PLCG2: variants seen among roughly 807,000 people sequenced by gnomAD.
PLCG2 encodes the protein 1-phosphatidylinositol 4,5-bisphosphate phosphodiesterase gamma-2.
Under a neutral mutation model 175.6 loss-of-function variants are expected in PLCG2, and 69 were observed. That is an observed-to-expected ratio of 0.39 (90% CI 0.32 to 0.48). PLCG2 has a LOEUF of 0.48. Among genes scored for constraint, PLCG2 ranks in the 20% least tolerant of loss-of-function variants. The pLI is 0.91. For missense variants in PLCG2, 1,798 were observed against 1,650.9 expected (o/e 1.09, Z -1.54); for synonymous variants, 827 against 624.0 (o/e 1.33, Z -4.85).
intron 2 of PLCG2, among the ~76,000 whole-genome samples, chr16:81,763,870 G>A (rs544114360): frequency 6.6e-6 from 1 of 152,228 alleles, no homozygotes; most frequent in South Asian, 2.1e-4. Context: ...GGGAGGCTGA[G>A]GCATGAGAGT....
In PLCG2 at chr16:81,962,633, A is replaced by C. The variant is rs1911817993; in HGVS notation, c.*4635A>C. 4.5e-6 allele frequency: 1 copy of C among 222,798 alleles called. No homozygotes were observed. The highest frequency in any genetic ancestry group is 2.2e-5 in the African/African-American group (1 of 44,926). 13.8% of individuals were successfully genotyped at this position (222,798 alleles called of 1,614,324 possible). On this transcript the variant is annotated 3_prime_UTR_variant, in exon 33 of 33. Coordinates refer to ENST00000564138, the MANE Select transcript of PLCG2 (RefSeq NM_002661.5). ...ACAGATGTTGGCTGTTGTTAATGTGAAAATTAAACAGCTGTATCACATTTT... is the reference window on the plus strand; with the variant it reads ...ACAGATGTTGGCTGTTGTTAATGTGCAAATTAAACAGCTGTATCACATTTT...
At chr16:81,782,221 A>G (rs751806590) in intron 1 of PLCG2, among the ~76,000 whole-genome samples, 7 of 94,052 alleles carry the variant, frequency 7.4e-5, no homozygotes, top group Non-Finnish European at 1.3e-4. Context: ...AAGAACATGA[A>G]TGAGCTTATG....
chr16:81,951,612 A>G (rs1190392818), intron 31 of PLCG2, among the ~76,000 whole-genome samples: 1 of 152,186 alleles, frequency 6.6e-6, no homozygotes, highest in Non-Finnish European at 1.5e-5. Flanking sequence ...GAAAGATAGT[A>G]CTCCTAGCTT....
At chr16:81,740,954 A>G (rs1204790402) in intron 1 of PLCG2, among the ~76,000 whole-genome samples, 7 of 152,160 alleles carry the variant, frequency 4.6e-5, no homozygotes, top group Admixed American at 4.6e-4. Context: ...GATGTGAGAC[A>G]GTGAATCTCC....
intron 2 of PLCG2, among the ~76,000 whole-genome samples, chr16:81,814,007 C>G (rs1904430883): frequency 6.6e-6 from 1 of 152,186 alleles, no homozygotes; most frequent in Non-Finnish European, 1.5e-5. Context: ...TCAGGGGCAT[C>G]TCTCTGAGCC....
At chr16:81,839,558 T>G (rs1382773345) in intron 2 of PLCG2, among the ~76,000 whole-genome samples, 1 of 152,192 alleles carries the variant, frequency 6.6e-6, no homozygotes, top group Non-Finnish European at 1.5e-5. Flanking sequence ...TAATACTTAT[T>G]TTAATATTGA....
Position 81,893,899 on chromosome 16 carries a change from C to G in PLCG2, c.1072+105C>G. 4.5e-6 allele frequency: 3 copies of G among 668,932 alleles called. No individual in the cohort carries two copies. The South Asian group carries it at 5.0e-5, about 11-fold the overall frequency. The allele number at this position is 668,932 out of a possible 1,614,324, so 41.4% of individuals were successfully genotyped here. A position where few individuals can be genotyped will look rare whatever the true frequency, so the allele number is the denominator to read the frequency against. ...AATTGTAAAAAGGTTTTAATGGACA[C>G]ATAATAACTGTGCATATTTATGGAG... is the stretch of plus-strand genomic sequence containing the variant. On this transcript the variant is annotated intron_variant, in intron 12 of 32. Coordinates refer to ENST00000564138, the MANE Select transcript of PLCG2 (RefSeq NM_002661.5).
chr16:81,765,599 C>T, intron 2 of PLCG2, among the ~76,000 whole-genome samples: 1 of 152,224 alleles, frequency 6.6e-6, no homozygotes, highest in Admixed American at 6.5e-5. Flanking sequence ...CTAGTGCCCT[C>T]CAGCCTGGAT....
Position 81,867,675 on chromosome 16 carries a change from G to A in PLCG2, c.480-1539G>A, listed in dbSNP as rs567925964. Among the ~76,000 whole-genome samples, 4 of 152,026 alleles carry A rather than the reference G, an allele frequency of 2.6e-5. No individual in the cohort carries two copies. The South Asian group carries it at 6.2e-4, about 24-fold the overall frequency. On this transcript the variant is annotated intron_variant, in intron 5 of 32. Transcript: ENST00000564138. Reference sequence around the variant, plus strand: ...TGCTGCTGCTCCTTTTGCCTGGGACGTGTTCTCCCTTGCTTCCCTCCCTTT... The same window carrying A: ...TGCTGCTGCTCCTTTTGCCTGGGACATGTTCTCCCTTGCTTCCCTCCCTTT...
At chr16:81,782,153 G>A (rs1259846176) in intron 1 of PLCG2, among the ~76,000 whole-genome samples, 3 of 152,064 alleles carry the variant, frequency 2.0e-5, no homozygotes, top group African/African-American at 7.2e-5. Flanking sequence ...TGGAATTACA[G>A]TCATAAGCCA....
In PLCG2 at chr16:81,900,685, G is replaced by A. The variant is rs996161733; in HGVS notation, c.1267G>A (p.Glu423Lys). Residue 423 changes from glutamate (E) to lysine (K), a missense_variant, in exon 14 of 33, where the codon GAA becomes AAA. Transcript: ENST00000564138. ...GCGTCACATGGCCAAGGCCTTCAAGGAAGTATTTGGCGACCTGCTGTTGAC... is the reference window on the plus strand; with the variant it reads ...GCGTCACATGGCCAAGGCCTTCAAGAAAGTATTTGGCGACCTGCTGTTGAC... Reference protein sequence around the residue: ...QQRHMAKAFKEVFGDLLLTKP... With the variant: ...QQRHMAKAFKKVFGDLLLTKP... The A allele has an allele frequency of 6.2e-7, 1 of 1,613,272 alleles. No homozygotes were observed. The highest frequency in any genetic ancestry group is 1.3e-5 in the African/African-American group (1 of 74,950).
intron 12 of PLCG2, among the ~76,000 whole-genome samples, chr16:81,894,422 CTG>C (rs941449470): frequency 4.0e-5 from 6 of 151,126 alleles, no homozygotes; most frequent in South Asian, 4.2e-4. Flanking sequence ...GAGCGAGACT[CTG>C]TGTCTAAACT....
intron 30 of PLCG2, among the ~76,000 whole-genome samples, chr16:81,941,871 A>G (rs1910956079): frequency 6.6e-6 from 1 of 152,028 alleles, no homozygotes; most frequent in South Asian, 2.1e-4. Context: ...GGGTTTTGCC[A>G]TGTTGGTCTG....
intron 2 of PLCG2, among the ~76,000 whole-genome samples, chr16:81,765,624 C>T (rs531972133): frequency 1.4e-3 from 61 of 42,612 alleles, no homozygotes; most frequent in Non-Finnish European, 1.4e-3. Context: ...GAGTGAGACT[C>T]GGTCTCAATA....
intron 8 of PLCG2, among the ~76,000 whole-genome samples, chr16:81,881,975 T>C (rs1908103362): frequency 6.6e-6 from 1 of 152,214 alleles, no homozygotes; most frequent in Non-Finnish European, 1.5e-5. Flanking sequence ...AGTATTTTAA[T>C]GAAAACTTAG....
chr16:81,883,502 G>A (rs1908197865), intron 9 of PLCG2, 161 bp downstream of exon 9: 4 of 621,754 alleles, frequency 6.4e-6, no homozygotes, highest in Non-Finnish European at 1.2e-5. Flanking sequence ...CAGTCTGCCA[G>A]ATGCCAGAGA....
At chr16:81,912,034 T>C (rs1209690744) in intron 18 of PLCG2, among the ~76,000 whole-genome samples, 2 of 152,110 alleles carry the variant, frequency 1.3e-5, no homozygotes, top group Non-Finnish European at 2.9e-5. Context: ...CCTGACCTCA[T>C]GATCCACCCG....
At chr16:81,837,251 G>A (rs1333302846) in intron 2 of PLCG2, among the ~76,000 whole-genome samples, 1 of 152,228 alleles carries the variant, frequency 6.6e-6, no homozygotes, top group Non-Finnish European at 1.5e-5. Context: ...TGAAAGGGAA[G>A]TCTGCATTTA....
chr16:81,925,039 T>C (rs1181060202), intron 22 of PLCG2, among the ~76,000 whole-genome samples: 1 of 152,174 alleles, frequency 6.6e-6, no homozygotes, highest in African/African-American at 2.4e-5. Context: ...ATTTTTGGAG[T>C]TGTGGCTGGA....
Sources: allele counts gnomAD v4.1 joint callset (sites outside exome capture counted in the v4.1 genomes callset), GRCh38; gene constraint gnomAD v4.1.1; transcripts MANE v1.5; gene names NCBI Gene and HGNC (gene_info 2026-07-23, HGNC 2026-07-21).